Variants in MYO3A observed in about 807,000 individuals in gnomAD.
MYO3A encodes the protein myosin-IIIa.
A neutral mutation model predicts 192.7 loss-of-function variants in MYO3A; 180 were observed. That is an observed-to-expected ratio of 0.93 (90% CI 0.83 to 1.06). The LOEUF is 1.06. Ranked by LOEUF, MYO3A falls within the 50% of genes least tolerant of loss-of-function variation. The pLI is 0.00. For synonymous variants in MYO3A, 628 were observed against 645.3 expected, an observed-to-expected ratio of 0.97 and a Z score of 0.41; for missense variants, 1,896 against 1,905.0, an observed-to-expected ratio of 1.00 and a Z score of 0.09.
At chr10:26,096,013 T>C (rs1032859956) in intron 15 of MYO3A, among the ~76,000 whole-genome samples, 1 of 152,180 alleles carries the variant, frequency 6.6e-6, no homozygotes, top group African/African-American at 2.4e-5. Flanking sequence ...GTAGCACTTG[T>C]AACCACTGGC....
intron 4 of MYO3A, among the ~76,000 whole-genome samples, chr10:25,968,055 G>A (rs1247720001): frequency 2.0e-5 from 3 of 152,086 alleles, no homozygotes; most frequent in Admixed American, 1.3e-4. Flanking sequence ...TAAATTTGCT[G>A]AGCACTAAGA....
intron 17 of MYO3A, 77 bp from the exon 18 acceptor site, chr10:26,120,599 G>A (rs1025898359): frequency 2.5e-6 from 4 of 1,598,806 alleles, no homozygotes; most frequent in South Asian, 2.2e-5. Flanking sequence ...TTCTCTTCCA[G>A]TCTGTCCCCA....
intron 23 of MYO3A, among the ~76,000 whole-genome samples, chr10:26,151,529 C>A (rs569299573): frequency 6.6e-6 from 1 of 152,220 alleles, no homozygotes; most frequent in Admixed American, 6.5e-5. Context: ...TTTTTCCATA[C>A]TCTTAATTTC....
intron 18 of MYO3A, 90 bp from the exon 19 acceptor site, chr10:26,125,308 T>C: frequency 1.8e-6 from 2 of 1,138,370 alleles, no homozygotes; most frequent in South Asian, 2.6e-5. Context: ...ATTCATGTCA[T>C]TTGAAGAAGG....
At chr10:25,946,453 T>C (rs1253924963) in intron 2 of MYO3A, among the ~76,000 whole-genome samples, 2 of 152,170 alleles carry the variant, frequency 1.3e-5, no homozygotes, top group Non-Finnish European at 1.5e-5. Context: ...GCTGGGAAAT[T>C]CACTGATAAT....
At chr10:26,055,519 G>T (rs930474967) in intron 10 of MYO3A, among the ~76,000 whole-genome samples, 9 of 152,106 alleles carry the variant, frequency 5.9e-5, no homozygotes, top group Non-Finnish European at 1.3e-4. Flanking sequence ...TCGATGAATT[G>T]CTGGAGGCTC....
At chr10:26,005,001 G>A (rs1841093696) in intron 6 of MYO3A, among the ~76,000 whole-genome samples, 2 of 152,140 alleles carry the variant, frequency 1.3e-5, no homozygotes, top group Admixed American at 1.3e-4. Flanking sequence ...GCTAAAACTA[G>A]TGAGTTAAGT....
In MYO3A at chr10:26,129,560, C is replaced by T. The variant is rs185419415; in HGVS notation, c.2262+1022C>T. The stretch of plus-strand genomic sequence containing the variant: ...CTGCTTATCTCTGTAGCATGGTCCT[C>T]TCTTTTCCCCTCACAGCCAAGCTCC... On this transcript the variant is annotated intron_variant, in intron 20 of 34. Transcript: ENST00000642920. Among the ~76,000 whole-genome samples, 42 of 152,320 alleles carry T rather than the reference C, an allele frequency of 2.8e-4. No individual in the cohort carries two copies. The East Asian group carries it at 5.4e-3, about 20-fold the overall frequency.
intron 6 of MYO3A, 108 bp from the exon 7 acceptor site, chr10:26,016,712 T>G (rs941323794): frequency 1.6e-4 from 169 of 1,079,212 alleles, no homozygotes; most frequent in East Asian, 5.1e-5. Context: ...CACTGGCAGG[T>G]TTGAGGAAAT....
intron 8 of MYO3A, chr10:26,022,948 G>A (rs1419427349): frequency 1.3e-5 from 2 of 152,218 alleles, no homozygotes; most frequent in Admixed American, 1.3e-4. Flanking sequence ...ATGGTAATAT[G>A]GAGAAAAAGG....
intron 15 of MYO3A, among the ~76,000 whole-genome samples, chr10:26,088,686 C>T (rs975741725): frequency 6.6e-5 from 10 of 152,134 alleles, no homozygotes; most frequent in Non-Finnish European, 1.2e-4. Context: ...ACCATTCTGA[C>T]ATAGCAGAGA....
intron 14 of MYO3A, among the ~76,000 whole-genome samples, chr10:26,072,760 A>G (rs1257095346): frequency 6.6e-6 from 1 of 152,148 alleles, no homozygotes; most frequent in Non-Finnish European, 1.5e-5. Context: ...ATGCTCATAT[A>G]TTTCTGGTGA....
At chr10:26,142,133 G>T (rs1468295888) in intron 20 of MYO3A, among the ~76,000 whole-genome samples, 2 of 152,114 alleles carry the variant, frequency 1.3e-5, no homozygotes, top group African/African-American at 4.8e-5. Context: ...ATAATGCCTT[G>T]CCTTCAGTAT....
At position 25,942,431 on chromosome 10, in the gene MYO3A, TTTGA is replaced by T. The variant is rs796328066; in HGVS notation, c.-18+6606_-18+6609del. ...GGGTGTACAAATATCTCTTTGAGCC[TTTGA>T]TTGAATTCTTTGGCTTATATTCAAG... On this transcript the variant is annotated intron_variant, in intron 2 of 34. Coordinates refer to ENST00000642920, the MANE Select transcript of MYO3A (RefSeq NM_017433.5). Among the ~76,000 whole-genome samples, 224 of 152,378 alleles carry T rather than the reference TTTGA, an allele frequency of 1.5e-3. 1 individual carries two copies. The highest frequency in any genetic ancestry group is 5.2e-3 in the African/African-American group (215 of 41,592).
chr10:26,087,749 A>T (rs1050100948), intron 14 of MYO3A, among the ~76,000 whole-genome samples: 1 of 152,172 alleles, frequency 6.6e-6, no homozygotes, highest in Admixed American at 6.5e-5. Flanking sequence ...CAGTTTTCAC[A>T]ATTATTCCCT....
chr10:26,014,609 AGGAAGCATTGTT>A (rs140013573), intron 6 of MYO3A, among the ~76,000 whole-genome samples: 45 of 152,248 alleles, frequency 3.0e-4, no homozygotes, highest in African/African-American at 9.6e-4. Flanking sequence ...GGAACAGTCT[AGGAAGCATTGTT>A]GGATGACCTA....
intron 23 of MYO3A, among the ~76,000 whole-genome samples, chr10:26,150,210 T>C (rs1266909988): frequency 6.6e-6 from 1 of 152,218 alleles, no homozygotes; most frequent in Non-Finnish European, 1.5e-5. Flanking sequence ...TGATGCATTG[T>C]ACTTTTTATA....
intron 4 of MYO3A, among the ~76,000 whole-genome samples, chr10:25,962,782 T>C (rs1838015668): frequency 6.6e-6 from 1 of 152,152 alleles, no homozygotes; most frequent in South Asian, 2.1e-4. Context: ...CGGGAGACCG[T>C]AAAACAGAAT....
intron 6 of MYO3A, among the ~76,000 whole-genome samples, chr10:26,004,174 G>A (rs1841029732): frequency 6.6e-6 from 1 of 152,138 alleles, no homozygotes; most frequent in Non-Finnish European, 1.5e-5. Flanking sequence ...CCCCAAGTGG[G>A]ATGAGAAGCA....
Sources: gnomAD v4.1 joint callset for allele counts (sites outside exome capture counted in the v4.1 genomes callset) on GRCh38, gnomAD v4.1.1 for gene constraint, MANE v1.5 for transcripts, NCBI Gene and HGNC (gene_info 2026-07-23, HGNC 2026-07-21) for gene names.